Variants in KL observed in about 807,000 individuals in gnomAD.
KL encodes the protein klotho.
Under a neutral mutation model 84.2 loss-of-function variants are expected in KL, and 62 were observed. That is an observed-to-expected ratio of 0.74 (90% CI 0.60 to 0.91). KL has a LOEUF of 0.91. Ranked by LOEUF, KL falls within the 40% of genes least tolerant of loss-of-function variation. The pLI, the probability that KL is intolerant of heterozygous loss-of-function variation, is 0.00. For synonymous variants in KL, 528 were observed against 528.0 expected (o/e 1.00, Z 0.00); for missense variants, 1,261 against 1,305.7 (o/e 0.97, Z 0.53).
intron 1 of KL, among the ~76,000 whole-genome samples, chr13:33,022,401 A>T (rs1160667744): frequency 6.6e-6 from 1 of 152,220 alleles, no homozygotes; most frequent in Non-Finnish European, 1.5e-5. Flanking sequence ...AGGAAATTTT[A>T]GGTGGAGGAG....
intron 1 of KL, among the ~76,000 whole-genome samples, chr13:33,052,182 C>G (rs1211062194): frequency 2.0e-5 from 3 of 152,138 alleles, no homozygotes; most frequent in East Asian, 1.9e-4. Flanking sequence ...GTTGTGAACT[C>G]CTGGTATCAA....
chr13:33,028,618 G>C (rs1870863778), intron 1 of KL, among the ~76,000 whole-genome samples: 1 of 152,136 alleles, frequency 6.6e-6, no homozygotes, highest in South Asian at 2.1e-4. Flanking sequence ...AATATTGGAG[G>C]CTCATGTGAC....
chr13:33,061,799 G>A lies in KL; in HGVS notation c.2701+19G>A, dbSNP rs749383589. On this transcript the variant is annotated intron_variant, in intron 4 of 4. Coordinates refer to ENST00000380099, the MANE Select transcript of KL (RefSeq NM_004795.4). ...CTCAAAGGTAAGGAGCCCTAGCTGC[G>A]GCTATCTCCTGAAGGTTATGTCACC... 6 of 1,610,808 alleles carry A rather than the reference G, an allele frequency of 3.7e-6. No individual in the cohort carries two copies. The highest frequency in any genetic ancestry group is 4.5e-5 in the East Asian group (2 of 44,876).
rs775853172 is a variant in KL at position 33,016,720 on chromosome 13, A to G, written c.280A>G (p.Thr94Ala). ...GGGTGCGTCCATCTGGGATACGTTC[A>G]CCCACCACCCCCTGGCACCCCCGGG... ...GKGASIWDTF[T>A]HHPLAPPGDS... Residue 94 changes from threonine (T) to alanine (A), a missense_variant, in exon 1 of 5, where the codon ACC (threonine) becomes GCC (alanine). Physicochemically the swap from Thr to Ala is moderately conservative, Grantham distance 58. Coordinates refer to ENST00000380099, the MANE Select transcript of KL (RefSeq NM_004795.4). 8.7e-6 allele frequency: 14 copies of G among 1,610,530 alleles called. 1 individual carries two copies. The South Asian group carries it at 1.3e-4, about 15-fold the overall frequency.
chr13:33,046,154 C>A (rs1215158014), intron 1 of KL, among the ~76,000 whole-genome samples: 1 of 152,152 alleles, frequency 6.6e-6, no homozygotes, highest in Non-Finnish European at 1.5e-5. Flanking sequence ...ATAATGCTGG[C>A]CACATTGGCT....
chr13:33,044,678 G>A (rs1463367485), intron 1 of KL, among the ~76,000 whole-genome samples: 1 of 89,622 alleles, frequency 1.1e-5, no homozygotes, highest in African/African-American at 3.7e-5. Flanking sequence ...TGAGACAGAG[G>A]CTTACTTTGT....
chr13:33,045,489 T>C (rs1871493648), intron 1 of KL, among the ~76,000 whole-genome samples: 1 of 152,134 alleles, frequency 6.6e-6, no homozygotes, highest in Non-Finnish European at 1.5e-5. Context: ...TGTTTGTTTG[T>C]TTTTTTGTTT....
chr13:33,060,714 T>C lies in KL; in HGVS notation c.1635T>C (p.Asn545=), dbSNP rs545561926. 5.0e-6 allele frequency: 8 copies of C among 1,614,262 alleles called. No homozygotes were observed. The African/African-American group carries it at 9.3e-5, about 19-fold the overall frequency. The stretch of plus-strand genomic sequence containing the variant: ...CTCTGTCTCAGTTTACCGACCTGAA[T>C]GTTTACCTGTGGGATGTCCACCACA... ...DTTLSQFTDL[N]VYLWDVHHSK... The change falls in exon 4 of 5, where the codon AAT becomes AAC. Residue 545 remains asparagine (N), a synonymous_variant. Transcript: ENST00000380099.
intron 1 of KL, among the ~76,000 whole-genome samples, chr13:33,042,161 T>C (rs919009267): frequency 5.9e-5 from 9 of 152,194 alleles, no homozygotes; most frequent in Admixed American, 1.3e-4. Flanking sequence ...AAATTGTAGG[T>C]AATTATATTT....
chr13:33,062,903 G>A (rs767130723), intron 4 of KL, among the ~76,000 whole-genome samples: 47 of 152,092 alleles, frequency 3.1e-4, no homozygotes, highest in Non-Finnish European at 6.6e-4. Context: ...TTAGGAATAT[G>A]TATGGGTTAG....
chr13:33,030,825 C>A (rs1870946440), intron 1 of KL, among the ~76,000 whole-genome samples: 1 of 152,098 alleles, frequency 6.6e-6, no homozygotes, highest in South Asian at 2.1e-4. Context: ...ATAAAAAATT[C>A]TTGAACATCA....
Position 33,017,036 on chromosome 13 carries a change from G to C in KL, c.596G>C (p.Arg199Pro), listed in dbSNP as rs1426629936. The change falls in exon 1 of 5, where the codon CGC becomes CCC. Residue 199 changes from arginine (R) to proline (P), a missense_variant. By Grantham distance (103) the Arg-to-Pro change is moderately radical. Coordinates refer to ENST00000380099, the MANE Select transcript of KL (RefSeq NM_004795.4). ...CTGTACCACTGGGACCTGCCCCAGC[G>C]CCTGCAGGACGCCTACGGCGGCTGG... is the stretch of plus-strand genomic sequence containing the variant. The part of the protein sequence containing the change: ...VTLYHWDLPQ[R>P]LQDAYGGWAN... 1.2e-6 allele frequency: 2 copies of C among 1,600,550 alleles called. No homozygotes were observed. Among genetic ancestry groups the C allele is most frequent in the Non-Finnish European group, 1.7e-6 (2 of 1,177,260 alleles).
intron 1 of KL, among the ~76,000 whole-genome samples, chr13:33,051,331 G>C (rs1343053092): frequency 6.6e-6 from 1 of 152,086 alleles, no homozygotes; most frequent in Non-Finnish European, 1.5e-5. Context: ...CTTGAGCCCA[G>C]GAGTTTAAGA....
intron 1 of KL, among the ~76,000 whole-genome samples, chr13:33,045,548 T>C (rs1871495641): frequency 6.6e-6 from 1 of 152,186 alleles, no homozygotes; most frequent in Non-Finnish European, 1.5e-5. Flanking sequence ...TGGCGTGATC[T>C]CGGCTCATCA....
chr13:33,045,651 G>T (rs1187929479), intron 1 of KL, among the ~76,000 whole-genome samples: 1 of 151,932 alleles, frequency 6.6e-6, no homozygotes, highest in Admixed American at 6.6e-5. Flanking sequence ...GACTAATTTT[G>T]TATTTTTAGT....
chr13:33,051,215 C>T (rs911579751), intron 1 of KL, among the ~76,000 whole-genome samples: 2 of 152,026 alleles, frequency 1.3e-5, no homozygotes, highest in Non-Finnish European at 2.9e-5. Context: ...ATTTACCTGC[C>T]CAAATTAAGG....
intron 1 of KL, among the ~76,000 whole-genome samples, chr13:33,042,908 C>T (rs1291117878): frequency 1.3e-5 from 2 of 152,126 alleles, no homozygotes; most frequent in Non-Finnish European, 2.9e-5. Flanking sequence ...TCTCGAAGTC[C>T]TGACCTCAGG....
chr13:33,047,017 G>C (rs1273209395), intron 1 of KL, among the ~76,000 whole-genome samples: 1 of 151,934 alleles, frequency 6.6e-6, no homozygotes, highest in Non-Finnish European at 1.5e-5. Context: ...TACTTTTTAT[G>C]ATCTCAACAG....
intron 1 of KL, among the ~76,000 whole-genome samples, chr13:33,036,519 A>T (rs1414851320): frequency 2.0e-5 from 3 of 152,076 alleles, no homozygotes; most frequent in Non-Finnish European, 4.4e-5. Flanking sequence ...GCAACTCCAG[A>T]TTCACTTCCT....
Sources: allele counts gnomAD v4.1 joint callset (sites outside exome capture counted in the v4.1 genomes callset), GRCh38; gene constraint gnomAD v4.1.1; transcripts MANE v1.5; gene names NCBI Gene and HGNC (gene_info 2026-07-23, HGNC 2026-07-21).